The following EXOSC10 variants were observed in gnomAD, a reference collection of about 807,000 sequenced individuals.
EXOSC10 encodes exosome component 10.
In EXOSC10, 94 loss-of-function variants were observed where a neutral mutation model predicts 126.6. That is an observed-to-expected ratio of 0.74 (90% CI 0.63 to 0.88). The LOEUF is 0.88. Among genes scored for constraint, EXOSC10 ranks in the 40% least tolerant of loss-of-function variants. EXOSC10 has a pLI of 0.00. For missense variants in EXOSC10, 1,041 were observed against 1,100.5 expected (o/e 0.95, Z 0.77); for synonymous variants, 395 against 400.8 (o/e 0.99, Z 0.17).
rs1640777376 is a variant in EXOSC10 at position 11,091,058 on chromosome 1, G to A, written c.599C>T (p.Pro200Leu). The stretch of plus-strand genomic sequence containing the variant: ...AGCATTGGGTTTGATGAAGATTTTA[G>A]GAAGAAATGGTGTGTTGGAATTGTC... ...KIDNSNTPFL[P>L]KIFIKPNAQK... Residue 200 changes from proline (P) to leucine (L), a missense_variant, in exon 5 of 25, where the codon CCT (proline) becomes CTT (leucine). Transcript: ENST00000376936. The A allele has an allele frequency of 6.2e-7, 1 of 1,614,082 alleles. No individual in the cohort carries two copies. Among genetic ancestry groups the A allele is most frequent in the African/African-American group, 1.3e-5 (1 of 74,922 alleles).
chr1:11,072,542 G>A (rs1329510104), intron 19 of EXOSC10: 1 of 182,818 alleles, frequency 5.5e-6, no homozygotes, highest in Admixed American at 5.5e-5. Flanking sequence ...TCAAGGCTGG[G>A]CTTCCGCAAG....
intron 9 of EXOSC10, among the ~76,000 whole-genome samples, chr1:11,084,325 T>C (rs1483737355): frequency 6.6e-6 from 1 of 152,244 alleles, no homozygotes; most frequent in Non-Finnish European, 1.5e-5. Flanking sequence ...CCATTCTAAC[T>C]GGTGTGAGAT....
chr1:11,070,770 A>T, intron 21 of EXOSC10, 130 bp downstream of exon 21: 1 of 764,592 alleles, frequency 1.3e-6, no homozygotes, highest in Non-Finnish European at 2.2e-6. Flanking sequence ...AGCCAAGCTA[A>T]GGTGAACCGG....
intron 2 of EXOSC10, among the ~76,000 whole-genome samples, chr1:11,097,377 C>A (rs1193657818): frequency 1.4e-5 from 2 of 146,990 alleles, no homozygotes; most frequent in Non-Finnish European, 3.0e-5. Flanking sequence ...GACTCCATCT[C>A]AAAAAAAATA....
intron 22 of EXOSC10, 36 bp downstream of exon 22, chr1:11,069,515 GACGCGCAC>G: frequency 6.3e-7 from 1 of 1,594,542 alleles, no homozygotes; most frequent in Non-Finnish European, 8.5e-7. Context: ...CCTCCCCTCT[GACGCGCAC>G]AGATGTCCCT....
intron 1 of EXOSC10, among the ~76,000 whole-genome samples, chr1:11,099,157 C>T (rs998324467): frequency 6.6e-6 from 1 of 152,222 alleles, no homozygotes; most frequent in African/African-American, 2.4e-5. Flanking sequence ...CCTAGTTGTA[C>T]GTTTGCTCAT....
Position 11,099,848 on chromosome 1 carries a change from G to C in EXOSC10, c.-17C>G, listed in dbSNP as rs1641343052. ...TGGCGCCATTTTTTCAGCCTGCACGGCTCGTCTCGCGAGAGCTTGTCGGCC... is the reference window on the plus strand; with the variant it reads ...TGGCGCCATTTTTTCAGCCTGCACGCCTCGTCTCGCGAGAGCTTGTCGGCC... On this transcript the variant is annotated 5_prime_UTR_variant, in exon 1 of 25. Transcript: ENST00000376936. 6.3e-7 allele frequency: 1 copy of C among 1,589,096 alleles called. No homozygotes were observed. Among genetic ancestry groups the C allele is most frequent in the African/African-American group, 1.4e-5 (1 of 73,494 alleles).
intron 10 of EXOSC10, among the ~76,000 whole-genome samples, chr1:11,082,220 G>A (rs1011382078): frequency 2.0e-5 from 3 of 152,126 alleles, no homozygotes; most frequent in African/African-American, 7.2e-5. Context: ...AGCAAGGCCT[G>A]CAGGAAGTGG....
At chr1:11,083,224 C>T (rs780798546) in intron 9 of EXOSC10, among the ~76,000 whole-genome samples, 27 of 152,174 alleles carry the variant, frequency 1.8e-4, no homozygotes, top group Non-Finnish European at 3.5e-4. Context: ...GCTGGGATTA[C>T]AGGCCTGAGC....
At position 11,072,072 on chromosome 1, in the gene EXOSC10, G is replaced by C. The variant is rs756277118; in HGVS notation, c.2242+15C>G. The C allele has an allele frequency of 3.1e-6, 5 of 1,602,906 alleles. No homozygotes were observed. Among genetic ancestry groups the C allele is most frequent in the Non-Finnish European group, 4.3e-6 (5 of 1,173,362 alleles). On this transcript the variant is annotated intron_variant, in intron 20 of 24. Coordinates refer to ENST00000376936, the MANE Select transcript of EXOSC10 (RefSeq NM_001001998.3). ...TCTTTAACAGCCGACTGAGTTGCAA[G>C]GAAGTGAGTGTTACCTGTTTGCTCA...
intron 1 of EXOSC10, among the ~76,000 whole-genome samples, chr1:11,098,382 C>T (rs912988765): frequency 1.6e-4 from 24 of 152,106 alleles, no homozygotes; most frequent in Non-Finnish European, 1.5e-5. Context: ...AGAATACATA[C>T]GTATATAATC....
chr1:11,088,740 G>A (rs1328365187), intron 6 of EXOSC10, among the ~76,000 whole-genome samples: 2 of 152,234 alleles, frequency 1.3e-5, no homozygotes, highest in Admixed American at 1.3e-4. Context: ...ACATTGCAGA[G>A]CTGGGGCTAA....
At chr1:11,093,685 G>C (rs564701438) in intron 3 of EXOSC10, among the ~76,000 whole-genome samples, 5 of 152,228 alleles carry the variant, frequency 3.3e-5, no homozygotes, top group African/African-American at 1.2e-4. Flanking sequence ...GAGCTGGAGG[G>C]GGTTCAGTAG....
rs70977543 is a variant in EXOSC10 at position 11,080,563 on chromosome 1, AACACACACACACACAC to A, written c.1587-30_1587-15del. 25 of 1,423,602 alleles carry A rather than the reference AACACACACACACACAC, an allele frequency of 1.8e-5. No individual in the cohort carries two copies. The highest frequency in any genetic ancestry group is 1.7e-4 in the East Asian group (7 of 42,062). The allele number at this position is 1,423,602 out of a possible 1,614,324, so 88.2% of individuals were successfully genotyped here. A position where few individuals can be genotyped will look rare whatever the true frequency, so the allele number is the denominator to read the frequency against. On this transcript the variant is annotated splice_polypyrimidine_tract_variant and intron_variant, in intron 12 of 24. Transcript: ENST00000376936. The stretch of plus-strand genomic sequence containing the variant: ...GGCAGTACATATCTGGAAAAAAAAA[AACACACACACACACAC>A]ACACACACACACACACACACACACA...
At chr1:11,076,799 C>G in intron 17 of EXOSC10, 43 bp downstream of exon 17, 1 of 1,429,210 alleles carries the variant, frequency 7.0e-7, no homozygotes, top group Non-Finnish European at 9.8e-7. Context: ...CAGTAAATCC[C>G]AGGGGGTCCT....
At chr1:11,074,824 T>G (rs1227289879) in intron 17 of EXOSC10, among the ~76,000 whole-genome samples, 1 of 152,214 alleles carries the variant, frequency 6.6e-6, no homozygotes, top group Non-Finnish European at 1.5e-5. Flanking sequence ...AATATCAATG[T>G]GCTGGATCAG....
chr1:11,080,521 T>C lies in EXOSC10; in HGVS notation c.1615A>G (p.Lys539Glu), dbSNP rs1165643207. 1 of 1,612,334 alleles carries C rather than the reference T, an allele frequency of 6.2e-7. No individual in the cohort carries two copies. The highest frequency in any genetic ancestry group is 8.5e-7 in the Non-Finnish European group (1 of 1,179,762). ...CACTTAGGCAGTTCTTCAGCTATTT[T>C]CAGCATCATGTGGTTTGGCAGTACA... ...GYVLPNHMMLKIAEELPKEPQ... is the reference protein window; with the variant it reads ...GYVLPNHMMLEIAEELPKEPQ... Residue 539 changes from lysine (K) to glutamate (E), a missense_variant, in exon 13 of 25, where the codon AAA becomes GAA. Lys to Glu is a moderately conservative substitution (Grantham distance 56). Coordinates refer to ENST00000376936, the MANE Select transcript of EXOSC10 (RefSeq NM_001001998.3).
rs1320179159 is a variant in EXOSC10, at chr1:11,080,924, T to A, written c.1438-12A>T. ...GGTTTGATGAATTTCTACAAAGTAT[T>A]AGAGAACATTCAAAATCAACGGGAA... On this transcript the variant is annotated splice_polypyrimidine_tract_variant and intron_variant, in intron 11 of 24. Transcript: ENST00000376936. The A allele has an allele frequency of 6.3e-7, 1 of 1,595,302 alleles. No homozygotes were observed. Among genetic ancestry groups the A allele is most frequent in the Non-Finnish European group, 8.5e-7 (1 of 1,171,454 alleles).
At chr1:11,079,933 T>C (rs1640052784) in intron 13 of EXOSC10, 111 bp from the exon 14 acceptor site, 1 of 835,102 alleles carries the variant, frequency 1.2e-6, no homozygotes, top group Admixed American at 2.2e-5. Flanking sequence ...AAGCTGAAGC[T>C]ACAGGTAGGT....
Sources: gnomAD v4.1 joint callset for allele counts (sites outside exome capture counted in the v4.1 genomes callset) on GRCh38, gnomAD v4.1.1 for gene constraint, MANE v1.5 for transcripts, NCBI Gene and HGNC (gene_info 2026-07-23, HGNC 2026-07-21) for gene names.